Variants in B3GNT6 observed in about 807,000 individuals in gnomAD.
B3GNT6 encodes UDP-GlcNAc:betaGal beta-1,3-N-acetylglucosaminyltransferase 6, also known as acetylgalactosaminyl-O-glycosyl-glycoprotein beta-1,3-N-acetylglucosaminyltransferase.
For missense variants in B3GNT6, 624 were observed against 568.6 expected, an observed-to-expected ratio of 1.10 and a Z score of -0.99; for synonymous variants, 300 against 270.0, an observed-to-expected ratio of 1.11 and a Z score of -1.09.
At chr11:77,035,477 G>A (rs1949626579) in intron 1 of B3GNT6, among the ~76,000 whole-genome samples, 2 of 152,230 alleles carry the variant, frequency 1.3e-5, no homozygotes, top group Non-Finnish European at 2.9e-5. Context: ...CAAAGGGATG[G>A]AGTAAGTGGC....
rs1949669135 is a variant in B3GNT6 at position 77,039,898 on chromosome 11, G to A, written c.347G>A (p.Gly116Asp). 1.3e-6 allele frequency: 2 copies of A among 1,591,762 alleles called. No individual in the cohort carries two copies. Among genetic ancestry groups the A allele is most frequent in the Admixed American group, 1.7e-5 (1 of 59,260 alleles). ...CCGGCCAAGTGCGCCGGCGGCCGAG[G>A]CGTGTTCCTGCTCCTGGCGGTGAAG... ...DAPAKCAGGR[G>D]VFLLLAVKSA... Residue 116 changes from glycine to aspartate, a missense_variant, in exon 2 of 2, where the codon GGC becomes GAC. Physicochemically the swap from Gly to Asp is moderately conservative, Grantham distance 94. Transcript: ENST00000622824.
At chr11:77,039,516 A>G (rs781855764) in intron 1 of B3GNT6, 36 bp from the exon 2 acceptor site, 1 of 1,530,396 alleles carries the variant, frequency 6.5e-7, no homozygotes, top group Non-Finnish European at 8.8e-7. Context: ...GTCAAAGACG[A>G]CTTCCGGCTC....
rs1555027741 is a variant in B3GNT6, at chr11:77,040,423, C to T, written c.872C>T (p.Thr291Met). 3.9e-6 allele frequency: 6 copies of T among 1,528,314 alleles called. 1 individual carries two copies. The highest frequency in any genetic ancestry group is 2.8e-5 in the African/African-American group (2 of 72,388). The allele number at this position is 1,528,314 out of a possible 1,614,324, so 94.7% of individuals were successfully genotyped here. A position where few individuals can be genotyped will look rare whatever the true frequency, so the allele number is the denominator to read the frequency against. Residue 291 changes from threonine to methionine, a missense_variant, in exon 2 of 2, where the codon ACG becomes ATG. By Grantham distance (81) the Thr-to-Met change is moderately conservative. Coordinates refer to ENST00000622824, the MANE Select transcript of B3GNT6 (RefSeq NM_138706.5). ...SGGGFLLSGP[T>M]ARALRAAARH... ...GGCGGCTTCCTCCTGTCCGGCCCCACGGCCCGGGCCCTGCGCGCGGCCGCC... is the reference window on the plus strand; with the variant it reads ...GGCGGCTTCCTCCTGTCCGGCCCCATGGCCCGGGCCCTGCGCGCGGCCGCC...
chr11:77,039,533 G>A lies in B3GNT6; in HGVS notation c.1-19G>A, dbSNP rs977957623. ...CAAAGACGACTTCCGGCTCACCTCT[G>A]ACTCGGTTTCCCCCACAGATGGCTT... On this transcript the variant is annotated intron_variant, in intron 1 of 1. Transcript: ENST00000622824. 1.3e-6 allele frequency: 2 copies of A among 1,552,774 alleles called. No homozygotes were observed. Among genetic ancestry groups the A allele is most frequent in the Non-Finnish European group, 1.7e-6 (2 of 1,149,558 alleles).
rs868921170 is a variant in B3GNT6 at position 77,040,851 on chromosome 11, T to C, written c.*145T>C. 21 of 1,299,830 alleles carry C rather than the reference T, an allele frequency of 1.6e-5. No homozygotes were observed. The highest frequency in any genetic ancestry group is 5.5e-4 in the Middle Eastern group (2 of 3,626). 80.5% of individuals were successfully genotyped at this position (1,299,830 alleles called of 1,614,324 possible). Reference sequence around the variant, plus strand: ...CTGAAATCAGCTGGGGTGGGGGGTGTGGAAAATGCCTACATCCTGGCTCCA... The same window carrying C: ...CTGAAATCAGCTGGGGTGGGGGGTGCGGAAAATGCCTACATCCTGGCTCCA... On this transcript the variant is annotated 3_prime_UTR_variant, in exon 2 of 2. Transcript: ENST00000622824.
chr11:77,039,449 G>A (rs1242081610), intron 1 of B3GNT6, 103 bp from the exon 2 acceptor site: 2 of 1,494,076 alleles, frequency 1.3e-6, no homozygotes, highest in Admixed American at 2.4e-5. Context: ...AGTTGAGAAG[G>A]GGCTGGAGCT....
In B3GNT6 at chr11:77,039,981, C is replaced by A; in HGVS notation, c.430C>A (p.Arg144Ser). The stretch of plus-strand genomic sequence containing the variant: ...CATCCGGCGCACGTGGGGGCAAGAG[C>A]GCAGCTACGGCGGGCGGCCAGTGCG... ...ELIRRTWGQE[R>S]SYGGRPVRRL... Residue 144 changes from arginine to serine, a missense_variant, in exon 2 of 2, where the codon CGC (arginine) becomes AGC (serine). Transcript: ENST00000622824. 6.3e-7 allele frequency: 1 copy of A among 1,588,610 alleles called. No homozygotes were observed. The highest frequency in any genetic ancestry group is 8.5e-7 in the Non-Finnish European group (1 of 1,175,268).
In B3GNT6 at chr11:77,040,911, G is replaced by A; in HGVS notation, c.*205G>A. 1.3e-6 allele frequency: 1 copy of A among 774,126 alleles called. No homozygotes were observed. Among genetic ancestry groups the A allele is most frequent in the South Asian group, 2.9e-5 (1 of 34,196 alleles). 48.0% of individuals were successfully genotyped at this position (774,126 alleles called of 1,614,324 possible). A position where few individuals can be genotyped will look rare whatever the true frequency, so the allele number is the denominator to read the frequency against. ...GTTTCGATTTGATTAGTCTGGGGTG[G>A]ACCCAGACATGTTAAGTATTTTTTA... is the stretch of plus-strand genomic sequence containing the variant. On this transcript the variant is annotated 3_prime_UTR_variant, in exon 2 of 2. Coordinates refer to ENST00000622824, the MANE Select transcript of B3GNT6 (RefSeq NM_138706.5).
At chr11:77,037,277 T>C (rs1207837869) in intron 1 of B3GNT6, 1 of 151,914 alleles carries the variant, frequency 6.6e-6, no homozygotes, top group African/African-American at 2.4e-5. Flanking sequence ...GATCAACCTG[T>C]TGATAGAGGG....
Position 77,040,061 on chromosome 11 carries a change from G to A in B3GNT6, c.510G>A (p.Arg170=), listed in dbSNP as rs782313252. ...CCGAGGACGAGGCGCGCGCGGAGCG[G>A]CTGGCGGAGCTGGTGGCGCTGGAGG... ...PGPEDEARAE[R]LAELVALEAR... The change falls in exon 2 of 2, where the codon CGG becomes CGA. Residue 170 remains arginine (R), a synonymous_variant. Coordinates refer to ENST00000622824, the MANE Select transcript of B3GNT6 (RefSeq NM_138706.5). 22 of 1,568,386 alleles carry A rather than the reference G, an allele frequency of 1.4e-5. No individual in the cohort carries two copies. The highest frequency in any genetic ancestry group is 3.4e-4 in the Middle Eastern group (2 of 5,964).
At position 77,040,053 on chromosome 11, in the gene B3GNT6, G is replaced by A; in HGVS notation, c.502G>A (p.Ala168Thr). Residue 168 changes from alanine to threonine, a missense_variant, in exon 2 of 2, where the codon GCG (alanine) becomes ACG (threonine). By Grantham distance (58) the Ala-to-Thr change is moderately conservative. Coordinates refer to ENST00000622824, the MANE Select transcript of B3GNT6 (RefSeq NM_138706.5). ...CCCGGGCCCCGAGGACGAGGCGCGC[G>A]CGGAGCGGCTGGCGGAGCTGGTGGC... ...GTPGPEDEARAERLAELVALE... is the reference protein window; with the variant it reads ...GTPGPEDEARTERLAELVALE... 1.3e-6 allele frequency: 2 copies of A among 1,583,030 alleles called. No individual in the cohort carries two copies. The highest frequency in any genetic ancestry group is 1.1e-5 in the South Asian group (1 of 89,000).
In B3GNT6 at chr11:77,040,289, C is replaced by T. The variant is rs1354369668; in HGVS notation, c.738C>T (p.Phe246=). The T allele has an allele frequency of 9.4e-6, 15 of 1,590,676 alleles. No individual in the cohort carries two copies. The Admixed American group carries it at 1.4e-4, about 14-fold the overall frequency. Residue 246 remains phenylalanine, a synonymous_variant, in exon 2 of 2, where the codon TTC becomes TTT. Transcript: ENST00000622824. The part of the protein sequence containing the change: ...LQAQPPGRHL[F]SGQLMEGSVP... The stretch of plus-strand genomic sequence containing the variant: ...CGCAGCCACCCGGCCGCCACCTGTT[C>T]TCCGGCCAGCTCATGGAGGGCTCCG...
rs1424388938 is a variant in B3GNT6, at chr11:77,041,454, A to G, written c.*748A>G. On this transcript the variant is annotated 3_prime_UTR_variant, in exon 2 of 2. Transcript: ENST00000622824. ...TGGCCTAGTTGGGTCCTGCCCGCCA[A>G]TAATCACCCCCACGGGTCAGAGACA... The G allele has an allele frequency of 6.6e-6, 1 of 152,488 alleles. No individual in the cohort carries two copies. The highest frequency in any genetic ancestry group is 1.5e-5 in the Non-Finnish European group (1 of 68,272). The allele number at this position is 152,488 out of a possible 1,614,324, so 9.4% of individuals were successfully genotyped here. A position where few individuals can be genotyped will look rare whatever the true frequency, so the allele number is the denominator to read the frequency against.
At chr11:77,036,237 G>T (rs1555026921) in intron 1 of B3GNT6, among the ~76,000 whole-genome samples, 2 of 152,142 alleles carry the variant, frequency 1.3e-5, no homozygotes, top group African/African-American at 4.8e-5. Context: ...AAGAGACATA[G>T]CTTATCTCGC....
chr11:77,040,939 T>G lies in B3GNT6; in HGVS notation c.*233T>G. 1.7e-6 allele frequency: 1 copy of G among 601,128 alleles called. No individual in the cohort carries two copies. The highest frequency in any genetic ancestry group is 2.6e-6 in the Non-Finnish European group (1 of 386,770). 37.2% of individuals were successfully genotyped at this position (601,128 alleles called of 1,614,324 possible). A position where few individuals can be genotyped will look rare whatever the true frequency, so the allele number is the denominator to read the frequency against. ...CCAGACATGTTAAGTATTTTTTAAGTTCCTCCAGTGATGCGAATGTGCAGC... is the reference window on the plus strand; with the variant it reads ...CCAGACATGTTAAGTATTTTTTAAGGTCCTCCAGTGATGCGAATGTGCAGC... On this transcript the variant is annotated 3_prime_UTR_variant, in exon 2 of 2. Transcript: ENST00000622824.
Position 77,039,745 on chromosome 11 carries a change from TC to T in B3GNT6, c.198del (p.Pro69ArgfsTer55). On this transcript the variant is annotated frameshift_variant, in exon 2 of 2. Transcript: ENST00000622824. LOFTEE classifies it low-confidence loss of function (END_TRUNC). ...GCTGACGAGCCGCCCTCGGAGCTCG[TC>T]CCCGGGCCCCCGTGCGTGGCGAACG... ...PAADEPPSEL[V>X]PGPPCVANAS... is the part of the protein sequence containing the mutation. 6.3e-7 allele frequency: 1 copy of T among 1,598,802 alleles called. No individual in the cohort carries two copies.
Position 77,040,251 on chromosome 11 carries a change from C to T in B3GNT6, c.700C>T (p.Arg234Cys), listed in dbSNP as rs557075861. ...DVFVHTANVVRFLQAQPPGRH... is the reference protein window; with the variant it reads ...DVFVHTANVVCFLQAQPPGRH... Reference sequence around the variant, plus strand: ...GTTCGTGCACACCGCCAACGTAGTCCGCTTCCTGCAGGCGCAGCCACCCGG... The same window carrying T: ...GTTCGTGCACACCGCCAACGTAGTCTGCTTCCTGCAGGCGCAGCCACCCGG... The change falls in exon 2 of 2, where the codon CGC becomes TGC. Residue 234 changes from arginine to cysteine, a missense_variant. Physicochemically the swap from Arg to Cys is radical, Grantham distance 180 (BLOSUM62 -3). Coordinates refer to ENST00000622824, the MANE Select transcript of B3GNT6 (RefSeq NM_138706.5). 202 of 1,598,432 alleles carry T rather than the reference C, an allele frequency of 1.3e-4. No individual in the cohort carries two copies. Among genetic ancestry groups the T allele is most frequent in the Admixed American group, 1.1e-3 (68 of 59,920 alleles).
chr11:77,039,688 A>T lies in B3GNT6; in HGVS notation c.137A>T (p.Glu46Val), dbSNP rs782335002. The T allele has an allele frequency of 6.2e-7, 1 of 1,611,790 alleles. No individual in the cohort carries two copies. The highest frequency in any genetic ancestry group is 8.5e-7 in the Non-Finnish European group (1 of 1,179,484). Residue 46 changes from glutamate (E) to valine (V), a missense_variant, in exon 2 of 2, where the codon GAG becomes GTG. Coordinates refer to ENST00000622824, the MANE Select transcript of B3GNT6 (RefSeq NM_138706.5). ...CGGGAGGAGAGGTCCCCGCAGGAGG[A>T]GACGCCAGAGGGTCCCACCGACGCT... ...SPREERSPQE[E>V]TPEGPTDAPA...
chr11:77,039,499 T>C, intron 1 of B3GNT6, 53 bp from the exon 2 acceptor site: 1 of 1,527,422 alleles, frequency 6.5e-7, no homozygotes, highest in Non-Finnish European at 8.8e-7. Context: ...GGTGGTGTCC[T>C]GCCGGTGTCA....
Sources: allele counts gnomAD v4.1 joint callset (sites outside exome capture counted in the v4.1 genomes callset), GRCh38; gene constraint gnomAD v4.1.1; transcripts MANE v1.5; gene names NCBI Gene and HGNC (gene_info 2026-07-23, HGNC 2026-07-21).